MTMR7: variants seen among roughly 807,000 people sequenced by gnomAD.
The protein encoded by MTMR7 is phosphatidylinositol-3-phosphate phosphatase MTMR7.
In MTMR7, 76 loss-of-function variants were observed where a neutral mutation model predicts 81.2. The observed-to-expected ratio is 0.94, with a 90% CI of 0.78 to 1.13. MTMR7 has a LOEUF of 1.13. Ranked by LOEUF, MTMR7 falls within the 50% of genes most tolerant of loss-of-function variation. The probability of loss-of-function intolerance (pLI) is 0.00; values close to 1 mark genes in which losing one functional copy is unlikely to be tolerated. For synonymous variants in MTMR7, 372 were observed against 289.8 expected, an observed-to-expected ratio of 1.28 and a Z score of -2.88; for missense variants, 1,044 against 820.0, an observed-to-expected ratio of 1.27 and a Z score of -3.34.
intron 3 of MTMR7, among the ~76,000 whole-genome samples, chr8:17,366,887 A>AAAAAAAAAAAAAAAAC (rs1554515171): frequency 6.8e-6 from 1 of 146,116 alleles, no homozygotes; most frequent in Admixed American, 6.9e-5. Context: ...CTCCATCTCA[A>AAAAAAAAAAAAAAAAC]AAAAAAAAAA....
chr8:17,303,582 C>CTCTCCCCAT (rs1414431819), intron 12 of MTMR7, among the ~76,000 whole-genome samples: 33 of 150,748 alleles, frequency 2.2e-4, no homozygotes, highest in African/African-American at 8.1e-4. Context: ...TGCCACCCTG[C>CTCTCCCCAT]TCTCCCCATT....
At chr8:17,307,552 T>C (rs1586147153) in intron 10 of MTMR7, among the ~76,000 whole-genome samples, 1 of 152,114 alleles carries the variant, frequency 6.6e-6, no homozygotes, top group Non-Finnish European at 1.5e-5. Flanking sequence ...ACCCAAAGGA[T>C]TATAAATCAT....
At chr8:17,316,423 G>T in intron 7 of MTMR7, among the ~76,000 whole-genome samples, 1 of 149,682 alleles carries the variant, frequency 6.7e-6, no homozygotes. Context: ...CCCTACTGTT[G>T]ACAGTTGTTC....
At chr8:17,383,488 A>G (rs1585111085) in intron 1 of MTMR7, among the ~76,000 whole-genome samples, 1 of 152,218 alleles carries the variant, frequency 6.6e-6, no homozygotes, top group African/African-American at 2.4e-5. Context: ...TCGCATCTAG[A>G]AAGTGGCAGA....
At chr8:17,359,792 G>C (rs1042119463) in intron 4 of MTMR7, among the ~76,000 whole-genome samples, 1 of 152,026 alleles carries the variant, frequency 6.6e-6, no homozygotes, top group Non-Finnish European at 1.5e-5. Flanking sequence ...GGTATCAAAA[G>C]ATTTTTAAAA....
At chr8:17,363,592 G>T (rs966603131) in intron 3 of MTMR7, among the ~76,000 whole-genome samples, 1 of 152,094 alleles carries the variant, frequency 6.6e-6, no homozygotes, top group South Asian at 2.1e-4. Context: ...CTGAAATTAT[G>T]AAATTTTCCC....
intron 1 of MTMR7, among the ~76,000 whole-genome samples, chr8:17,380,515 C>A (rs182205763): frequency 9.3e-5 from 14 of 151,140 alleles, no homozygotes; most frequent in Admixed American, 2.6e-4. Flanking sequence ...TGGAAGAAGA[C>A]GAACTGTATT....
At chr8:17,332,232 T>A (rs1819040531) in intron 6 of MTMR7, among the ~76,000 whole-genome samples, 1 of 152,144 alleles carries the variant, frequency 6.6e-6, no homozygotes, top group Non-Finnish European at 1.5e-5. Context: ...GAAAAAAATA[T>A]CTGCTTTTAA....
chr8:17,403,160 G>A (rs886090575), intron 1 of MTMR7, among the ~76,000 whole-genome samples: 1 of 152,150 alleles, frequency 6.6e-6, no homozygotes, highest in African/African-American at 2.4e-5. Context: ...TCCCTTGTCA[G>A]ATGGATAGTT....
intron 1 of MTMR7, among the ~76,000 whole-genome samples, chr8:17,379,803 G>GT (rs977686531): frequency 6.6e-6 from 1 of 151,884 alleles, no homozygotes; most frequent in African/African-American, 2.4e-5. Flanking sequence ...TTTTGTTTTT[G>GT]TTTTTTTAAT....
chr8:17,339,327 G>C (rs999186064), intron 6 of MTMR7, among the ~76,000 whole-genome samples: 2 of 152,002 alleles, frequency 1.3e-5, no homozygotes, highest in African/African-American at 2.4e-5. Flanking sequence ...AATGGTGTTT[G>C]GTATACCCAC....
rs773705068 is a variant in MTMR7 at position 17,348,951 on chromosome 8, A to C, written c.597+2T>G. On this transcript the variant is annotated splice_donor_variant, in intron 5 of 13. Transcript: ENST00000180173. LOFTEE classifies it high-confidence loss of function. ...AAAACAAAAACACGCCTCGAGACTT[A>C]CGTGGTTATCTTTATAATAGTAAGA... 1 of 1,613,794 alleles carries C rather than the reference A, an allele frequency of 6.2e-7. No homozygotes were observed. The highest frequency in any genetic ancestry group is 8.5e-7 in the Non-Finnish European group (1 of 1,179,956).
At chr8:17,387,481 G>A (rs1820979744) in intron 1 of MTMR7, among the ~76,000 whole-genome samples, 1 of 152,164 alleles carries the variant, frequency 6.6e-6, no homozygotes, top group Admixed American at 6.5e-5. Context: ...AAGGATAAAT[G>A]AATATATCTA....
chr8:17,339,328 G>GTA (rs997947746), intron 6 of MTMR7, among the ~76,000 whole-genome samples: 1 of 151,980 alleles, frequency 6.6e-6, no homozygotes, highest in African/African-American at 2.4e-5. Context: ...ATGGTGTTTG[G>GTA]TATACCCACA....
chr8:17,351,759 G>T (rs1819735681), intron 4 of MTMR7, among the ~76,000 whole-genome samples: 1 of 152,194 alleles, frequency 6.6e-6, no homozygotes, highest in Non-Finnish European at 1.5e-5. Flanking sequence ...CTTGCTCGGG[G>T]AACTCTAAGA....
intron 1 of MTMR7, among the ~76,000 whole-genome samples, chr8:17,385,908 T>A (rs1307545252): frequency 1.3e-5 from 2 of 152,234 alleles, no homozygotes. Flanking sequence ...GATATTTATT[T>A]ATACCAATGT....
chr8:17,373,911 G>T (rs1335116346), intron 1 of MTMR7, among the ~76,000 whole-genome samples: 1 of 152,140 alleles, frequency 6.6e-6, no homozygotes, highest in Non-Finnish European at 1.5e-5. Flanking sequence ...CAATTTTAAG[G>T]ACATGTGCAC....
In MTMR7 at chr8:17,377,520, T is replaced by C. The variant is rs191266153; in HGVS notation, c.25-4280A>G. On this transcript the variant is annotated intron_variant, in intron 1 of 13. Transcript: ENST00000180173. ...TCAACTTTATTTTTCTTTTCTACTT[T>C]GTTAATTTCTGGTTCCTTAATAAAT... Among the ~76,000 whole-genome samples the C allele has an allele frequency of 6.8e-4, 104 of 152,258 alleles. 1 individual carries two copies. Among genetic ancestry groups the C allele is most frequent in the Non-Finnish European group, 1.2e-3 (79 of 67,976 alleles).
chr8:17,298,325 C>T lies in MTMR7; in HGVS notation c.*1537G>A, dbSNP rs1816873860. The T allele has an allele frequency of 2.0e-5, 3 of 152,004 alleles. No individual in the cohort carries two copies. Among genetic ancestry groups the T allele is most frequent in the Non-Finnish European group, 4.4e-5 (3 of 67,926 alleles). 9.4% of individuals were successfully genotyped at this position (152,004 alleles called of 1,614,324 possible). A position where few individuals can be genotyped will look rare whatever the true frequency, so the allele number is the denominator to read the frequency against. On this transcript the variant is annotated 3_prime_UTR_variant, in exon 14 of 14. Coordinates refer to ENST00000180173, the MANE Select transcript of MTMR7 (RefSeq NM_004686.5). ...GCAGAGAATGCCCAAATTTTATATT[C>T]TGAAAGAATTAATTACACTTGCTTT...
Sources: allele counts gnomAD v4.1 joint callset (sites outside exome capture counted in the v4.1 genomes callset), GRCh38; gene constraint gnomAD v4.1.1; transcripts MANE v1.5; gene names NCBI Gene and HGNC (gene_info 2026-07-23, HGNC 2026-07-21).